CNTNAP2: variants seen among roughly 807,000 people sequenced by gnomAD.
CNTNAP2 encodes the protein contactin associated protein 2.
A neutral mutation model predicts 155.2 loss-of-function variants in CNTNAP2; 98 were observed. The observed-to-expected ratio is 0.63, with a 90% CI of 0.54 to 0.75. The LOEUF is 0.75. CNTNAP2 is among the 30% of genes least tolerant of loss of function. The probability of loss-of-function intolerance (pLI) is 0.00; values close to 1 mark genes in which losing one functional copy is unlikely to be tolerated. For missense variants in CNTNAP2, 1,727 were observed against 1,688.1 expected (o/e 1.02, Z -0.40); for synonymous variants, 651 against 631.2 (o/e 1.03, Z -0.47).
At chr7:146,118,602 G>A (rs1322729848) in intron 1 of CNTNAP2, among the ~76,000 whole-genome samples, 2 of 152,014 alleles carry the variant, frequency 1.3e-5, no homozygotes. Flanking sequence ...TGGGTTCTGT[G>A]TTCCATCATT....
chr7:146,681,826 T>C (rs1250673276), intron 1 of CNTNAP2, among the ~76,000 whole-genome samples: 2 of 152,146 alleles, frequency 1.3e-5, no homozygotes, highest in Non-Finnish European at 2.9e-5. Context: ...TATGTTAATG[T>C]GTTATATTCA....
At chr7:146,831,281 C>CT (rs936642197) in intron 2 of CNTNAP2, among the ~76,000 whole-genome samples, 98 of 152,088 alleles carry the variant, frequency 6.4e-4, no homozygotes, top group African/African-American at 2.2e-3. Flanking sequence ...GACTATCTTT[C>CT]TTTTTTTGGC....
At chr7:147,338,289 T>C (rs577927177) in intron 9 of CNTNAP2, among the ~76,000 whole-genome samples, 8 of 152,290 alleles carry the variant, frequency 5.3e-5, no homozygotes, top group African/African-American at 9.6e-5. Context: ...ACCACCTCTA[T>C]GATTCAGCTA....
intron 11 of CNTNAP2, among the ~76,000 whole-genome samples, chr7:147,489,469 C>T (rs1020958770): frequency 2.6e-5 from 4 of 152,182 alleles, no homozygotes; most frequent in East Asian, 1.9e-4. Context: ...CTCATACAGG[C>T]ATTCCACTCT....
chr7:146,157,157 G>T (rs1255825707), intron 1 of CNTNAP2, among the ~76,000 whole-genome samples: 1 of 151,924 alleles, frequency 6.6e-6, no homozygotes, highest in Non-Finnish European at 1.5e-5. Flanking sequence ...AATGGGCAAG[G>T]TGGCAGAAAT....
chr7:147,037,269 C>A (rs535350161), intron 3 of CNTNAP2, among the ~76,000 whole-genome samples: 336 of 151,766 alleles, frequency 2.2e-3, no homozygotes, highest in Non-Finnish European at 3.4e-3. Context: ...ATCCATCAGA[C>A]TTTAAATTTG....
intron 8 of CNTNAP2, among the ~76,000 whole-genome samples, chr7:147,190,009 G>A (rs1312373181): frequency 6.6e-6 from 1 of 152,108 alleles, no homozygotes; most frequent in Non-Finnish European, 1.5e-5. Flanking sequence ...CTCCCAAAGA[G>A]CTAGGATTAC....
chr7:148,155,414 T>A (rs1223309032), intron 17 of CNTNAP2, among the ~76,000 whole-genome samples: 1 of 152,160 alleles, frequency 6.6e-6, no homozygotes, highest in Non-Finnish European at 1.5e-5. Flanking sequence ...TTATTTTGAT[T>A]TTTTGGTTTT....
rs1797164230 is a variant in CNTNAP2, at chr7:147,753,151, AT to A, written c.2098+113848del. Among the ~76,000 whole-genome samples, 3 of 152,158 alleles carry A rather than the reference AT, an allele frequency of 2.0e-5. No individual in the cohort carries two copies. The South Asian group carries it at 6.2e-4, about 32-fold the overall frequency. On this transcript the variant is annotated intron_variant, in intron 13 of 23. Transcript: ENST00000361727. ...GTGATTTGAACCTAGTCTTTAATTT[AT>A]TTCTATTTTGAACTGAATGTAAAGC...
intron 12 of CNTNAP2, among the ~76,000 whole-genome samples, chr7:147,627,832 T>A (rs145844791): frequency 0.016 from 2,324 of 148,216 alleles, 215 homozygotes; most frequent in Admixed American, 0.14. Context: ...ATACAAAAAG[T>A]GTAGTGTGGG....
intron 3 of CNTNAP2, among the ~76,000 whole-genome samples, chr7:146,992,742 G>A (rs957614054): frequency 4.0e-5 from 6 of 151,760 alleles, no homozygotes; most frequent in African/African-American, 1.5e-4. Flanking sequence ...TAACATAACT[G>A]TCAATAATTA....
At chr7:146,687,491 C>A (rs564132306) in intron 1 of CNTNAP2, among the ~76,000 whole-genome samples, 50 of 152,162 alleles carry the variant, frequency 3.3e-4, no homozygotes, top group Non-Finnish European at 6.6e-4. Context: ...TCGTGTATCA[C>A]CATAGAAAAG....
intron 1 of CNTNAP2, among the ~76,000 whole-genome samples, chr7:146,497,879 A>G (rs929664572): frequency 6.9e-6 from 1 of 145,258 alleles, no homozygotes; most frequent in South Asian, 2.1e-4. Flanking sequence ...ATAAACACAT[A>G]TATACAATTA....
intron 1 of CNTNAP2, among the ~76,000 whole-genome samples, chr7:146,332,078 C>A (rs892818847): frequency 7.3e-5 from 11 of 151,690 alleles, no homozygotes; most frequent in Non-Finnish European, 1.6e-4. Flanking sequence ...TATGTAGATA[C>A]ACACACAAAT....
chr7:146,822,732 AGTATATATATTTAAGT>A (rs911243052), intron 2 of CNTNAP2, among the ~76,000 whole-genome samples: 18 of 142,622 alleles, frequency 1.3e-4, no homozygotes, highest in African/African-American at 4.3e-4. Flanking sequence ...TATATACTTA[AGTATATATATTTAAGT>A]GTATACTTAA....
chr7:147,478,793 T>A (rs1047616379), intron 10 of CNTNAP2, among the ~76,000 whole-genome samples: 1 of 152,170 alleles, frequency 6.6e-6, no homozygotes, highest in African/African-American at 2.4e-5. Flanking sequence ...CTGTAACTGG[T>A]GGGGTTCTAT....
At chr7:147,857,954 C>T (rs193074285) in intron 13 of CNTNAP2, among the ~76,000 whole-genome samples, 75 of 152,292 alleles carry the variant, frequency 4.9e-4, no homozygotes, top group Non-Finnish European at 8.5e-4. Flanking sequence ...CTCTGTGAAG[C>T]CTTTCCAGTT....
At chr7:146,489,398 C>T (rs1004768105) in intron 1 of CNTNAP2, among the ~76,000 whole-genome samples, 14 of 152,136 alleles carry the variant, frequency 9.2e-5, no homozygotes, top group Non-Finnish European at 1.9e-4. Flanking sequence ...GAACCTTTCT[C>T]TTACTGCTCT....
chr7:146,855,574 A>G (rs1193180486), intron 3 of CNTNAP2, among the ~76,000 whole-genome samples: 1 of 151,986 alleles, frequency 6.6e-6, no homozygotes, highest in Non-Finnish European at 1.5e-5. Context: ...AAAGAAAAGT[A>G]CAAAGAGCGT....
Sources: gnomAD v4.1 joint callset for allele counts (sites outside exome capture counted in the v4.1 genomes callset) on GRCh38, gnomAD v4.1.1 for gene constraint, MANE v1.5 for transcripts, NCBI Gene and HGNC (gene_info 2026-07-23, HGNC 2026-07-21) for gene names.